CNBP: variants seen among roughly 807,000 people sequenced by gnomAD.
The protein encoded by CNBP is cellular nucleic acid-binding protein.
A neutral mutation model predicts 21.2 loss-of-function variants in CNBP; 6 were observed. The ratio of observed to expected loss-of-function variants is 0.28; its 90% confidence interval spans 0.16 to 0.56. The LOEUF is 0.56. Ranked by LOEUF, CNBP falls within the 20% of genes least tolerant of loss-of-function variation. CNBP has a pLI of 0.93. For synonymous variants in CNBP, 61 were observed against 74.9 expected, an observed-to-expected ratio of 0.81 and a Z score of 0.96; for missense variants, 112 against 233.1, an observed-to-expected ratio of 0.48 and a Z score of 3.38.
intron 1 of CNBP, among the ~76,000 whole-genome samples, chr3:129,177,463 TG>T (rs1415682947): frequency 2.0e-5 from 3 of 152,244 alleles, no homozygotes; most frequent in Non-Finnish European, 4.4e-5. Context: ...CTGATGTGTG[TG>T]GTAAGAATTG....
Position 129,170,486 on chromosome 3 carries a change from A to G in CNBP, c.501T>C (p.Leu167=). ...TAGCCTCAATTGTGCATTCCCGTGCAAGGTGCCCTGACTCGCCACAGCGGT... is the reference window on the plus strand; with the variant it reads ...TAGCCTCAATTGTGCATTCCCGTGCGAGGTGCCCTGACTCGCCACAGCGGT... ...NCYRCGESGH[L]ARECTIEATA The change falls in exon 5 of 5, where the codon CTT becomes CTC. Residue 167 remains leucine, a synonymous_variant. Coordinates refer to ENST00000422453, the MANE Select transcript of CNBP (RefSeq NM_003418.5). 2 of 1,614,222 alleles carry G rather than the reference A, an allele frequency of 1.2e-6. No individual in the cohort carries two copies. Among genetic ancestry groups the G allele is most frequent in the Non-Finnish European group, 1.7e-6 (2 of 1,180,026 alleles).
chr3:129,182,437 A>T (rs1244897516), intron 1 of CNBP, among the ~76,000 whole-genome samples: 1 of 152,120 alleles, frequency 6.6e-6, no homozygotes, highest in East Asian at 1.9e-4. Context: ...CTTCCTTTGG[A>T]AGTGCCCTGT....
At chr3:129,181,651 G>GAAAAAAAA (rs371274750) in intron 1 of CNBP, among the ~76,000 whole-genome samples, 2 of 115,342 alleles carry the variant, frequency 1.7e-5, no homozygotes, top group East Asian at 5.3e-4. Context: ...CTCCGTCTCA[G>GAAAAAAAA]AAAAAAAAAA....
intron 1 of CNBP, among the ~76,000 whole-genome samples, chr3:129,178,239 G>A (rs1321020888): frequency 6.6e-6 from 1 of 151,448 alleles, no homozygotes; most frequent in South Asian, 2.1e-4. Context: ...ACTAAGAGGT[G>A]TAACTATTTT....
chr3:129,172,650 AGG>A (rs1560034907), intron 1 of CNBP, among the ~76,000 whole-genome samples: 2,784 of 92,148 alleles, frequency 0.03, 31 homozygotes, highest in Non-Finnish European at 0.043. Flanking sequence ...GCAGGCAGGC[AGG>A]CAGGCAGACA....
At position 129,170,897 on chromosome 3, in the gene CNBP, A is replaced by G. The variant is rs537339240; in HGVS notation, c.416+182T>C. Among the ~76,000 whole-genome samples the G allele has an allele frequency of 4.6e-5, 7 of 152,306 alleles. No homozygotes were observed. In the East Asian group the frequency reaches 7.7e-4, roughly 17 times the overall value. ...CTGCCCAGGTACCATAAGCCACAGG[A>G]TATCAGGGCAGAATACAGAATTATA... is the stretch of plus-strand genomic sequence containing the variant. On this transcript the variant is annotated intron_variant, in intron 4 of 4. Transcript: ENST00000422453.
At chr3:129,172,893 T>A (rs1030923177) in intron 1 of CNBP, among the ~76,000 whole-genome samples, 1 of 152,178 alleles carries the variant, frequency 6.6e-6, no homozygotes, top group Non-Finnish European at 1.5e-5. Flanking sequence ...TAAAATGGAT[T>A]CTCGGAGTGA....
At chr3:129,181,670 C>T (rs1938311794) in intron 1 of CNBP, among the ~76,000 whole-genome samples, 1 of 42,954 alleles carries the variant, frequency 2.3e-5, no homozygotes, top group Non-Finnish European at 5.3e-5. Context: ...AAAGAAAAAC[C>T]CCTGGTCTTC....
chr3:129,180,905 C>T (rs1360867834), intron 1 of CNBP, among the ~76,000 whole-genome samples: 1 of 151,912 alleles, frequency 6.6e-6, no homozygotes, highest in Non-Finnish European at 1.5e-5. Context: ...TGGTACTATC[C>T]CATATACGTG....
chr3:129,181,321 G>C (rs746577617), intron 1 of CNBP, among the ~76,000 whole-genome samples: 1 of 136,304 alleles, frequency 7.3e-6, no homozygotes, highest in Admixed American at 7.5e-5. Flanking sequence ...CTTTAAAAAA[G>C]ACATCTCCCT....
Position 129,169,493 on chromosome 3 carries a change from T to C in CNBP, c.*960A>G. The C allele has an allele frequency of 9.9e-6, 2 of 201,330 alleles. No homozygotes were observed. Among genetic ancestry groups the C allele is most frequent in the Non-Finnish European group, 2.0e-5 (2 of 97,668 alleles). The allele number at this position is 201,330 out of a possible 1,614,324, so 12.5% of individuals were successfully genotyped here. A position where few individuals can be genotyped will look rare whatever the true frequency, so the allele number is the denominator to read the frequency against. ...AGTCCAAACTGTCAGCTTTCAGTCC[T>C]CCACATTCCCCTCTTTAATATGGTA... On this transcript the variant is annotated 3_prime_UTR_variant, in exon 5 of 5. Coordinates refer to ENST00000422453, the MANE Select transcript of CNBP (RefSeq NM_003418.5).
rs58395398 is a variant in CNBP, at chr3:129,168,031, T to TTTTAA, written c.*2421_*2422insTTAAA. Among the ~76,000 whole-genome samples the TTTTAA allele has an allele frequency of 0.028, 4,212 of 152,226 alleles. 175 individuals are homozygous for TTTTAA. Among genetic ancestry groups the TTTTAA allele is most frequent in the African/African-American group, 0.096 (3,975 of 41,492 alleles). ...GAGACACCACCATTTTAACACTGAA[T>TTTTAA]CACTATACCATGAACTGACAGAACC... On this transcript the variant is annotated 3_prime_UTR_variant, in exon 5 of 5. Coordinates refer to ENST00000422453, the MANE Select transcript of CNBP (RefSeq NM_003418.5).
Position 129,168,835 on chromosome 3 carries a change from G to A in CNBP, c.*1618C>T, listed in dbSNP as rs565265519. Among the ~76,000 whole-genome samples, 4 of 151,420 alleles carry A rather than the reference G, an allele frequency of 2.6e-5. No homozygotes were observed. Among genetic ancestry groups the A allele is most frequent in the South Asian group, 2.1e-4 (1 of 4,786 alleles). Reference sequence around the variant, plus strand: ...AAATAGGCCGGGCGCGGTGGCTCACGCCTGTGATCCCAGCACTTTGGGAGG... The same window carrying A: ...AAATAGGCCGGGCGCGGTGGCTCACACCTGTGATCCCAGCACTTTGGGAGG... On this transcript the variant is annotated 3_prime_UTR_variant, in exon 5 of 5. Coordinates refer to ENST00000422453, the MANE Select transcript of CNBP (RefSeq NM_003418.5).
At chr3:129,181,342 G>C (rs1445328467) in intron 1 of CNBP, among the ~76,000 whole-genome samples, 2 of 147,960 alleles carry the variant, frequency 1.4e-5, no homozygotes, top group Non-Finnish European at 3.0e-5. Flanking sequence ...GCCTGTTCCA[G>C]ATGTTCAAAT....
chr3:129,181,751 GA>G (rs914514911), intron 1 of CNBP, among the ~76,000 whole-genome samples: 6 of 150,688 alleles, frequency 4.0e-5, no homozygotes, highest in Non-Finnish European at 5.9e-5. Context: ...TTACCAATAT[GA>G]AAAAAAAGAG....
chr3:129,170,713 C>T (rs1462448689), intron 4 of CNBP, 143 bp from the exon 5 acceptor site: 3 of 675,498 alleles, frequency 4.4e-6, no homozygotes, highest in South Asian at 3.6e-5. Flanking sequence ...TACACAACAA[C>T]ATTTATCAAA....
chr3:129,181,671 C>A (rs1382019529), intron 1 of CNBP, among the ~76,000 whole-genome samples: 2 of 47,962 alleles, frequency 4.2e-5, no homozygotes, highest in Admixed American at 2.0e-4. Flanking sequence ...AAGAAAAACC[C>A]CTGGTCTTCC....
At chr3:129,174,349 TAAAAAAAAAA>T (rs56752888) in intron 1 of CNBP, among the ~76,000 whole-genome samples, 4 of 63,150 alleles carry the variant, frequency 6.3e-5, no homozygotes, top group Admixed American at 2.4e-4. Context: ...GAGTCAGAAT[TAAAAAAAAAA>T]AAAAAAAAAA....
At chr3:129,172,660 A>AGG (rs1937621334) in intron 1 of CNBP, among the ~76,000 whole-genome samples, 3 of 113,768 alleles carry the variant, frequency 2.6e-5, no homozygotes, top group Admixed American at 9.1e-5. Context: ...AGGCAGGCAG[A>AGG]CAGACAGACA....
Sources: allele counts gnomAD v4.1 joint callset (sites outside exome capture counted in the v4.1 genomes callset), GRCh38; gene constraint gnomAD v4.1.1; transcripts MANE v1.5; gene names NCBI Gene and HGNC (gene_info 2026-07-23, HGNC 2026-07-21).